The following EPHA3 variants were observed in gnomAD, a reference collection of about 807,000 sequenced individuals.
The protein encoded by EPHA3 is EPH receptor A3.
Under a neutral mutation model 107.1 loss-of-function variants are expected in EPHA3, and 42 were observed. The observed-to-expected ratio is 0.39, with a 90% CI of 0.31 to 0.51. EPHA3 has a LOEUF of 0.51. EPHA3 is among the 20% of genes least tolerant of loss of function. EPHA3 has a pLI of 0.78. For missense variants in EPHA3, 1,183 were observed against 1,211.2 expected (o/e 0.98, Z 0.35); for synonymous variants, 461 against 424.8 (o/e 1.09, Z -1.05).
At chr3:89,391,200 T>TGAAA (rs1708722715) in intron 5 of EPHA3, among the ~76,000 whole-genome samples, 1 of 152,112 alleles carries the variant, frequency 6.6e-6, no homozygotes, top group Non-Finnish European at 1.5e-5. Flanking sequence ...AAGAATAGAT[T>TGAAA]GAAAGCATCA....
chr3:89,219,688 G>GTGTTTTTTTTTTGTTTTTTTTTTT, intron 3 of EPHA3, among the ~76,000 whole-genome samples: 1 of 34,442 alleles, frequency 2.9e-5, no homozygotes, highest in Middle Eastern at 0.018. Context: ...ATTTGGCAAT[G>GTGTTTTTTTTTTGTTTTTTTTTTT]TTTTTTTTTT....
At chr3:89,169,947 A>G (rs552917515) in intron 2 of EPHA3, among the ~76,000 whole-genome samples, 1 of 152,230 alleles carries the variant, frequency 6.6e-6, no homozygotes, top group East Asian at 1.9e-4. Context: ...AACAAACTCT[A>G]ATATTGAGAT....
chr3:89,315,168 A>G (rs1460555663), intron 3 of EPHA3, among the ~76,000 whole-genome samples: 8 of 151,858 alleles, frequency 5.3e-5, no homozygotes, highest in Non-Finnish European at 1.2e-4. Context: ...GTGACTGTAT[A>G]TATTACATAT....
At chr3:89,340,401 A>G (rs1447967046) in intron 3 of EPHA3, among the ~76,000 whole-genome samples, 5 of 152,230 alleles carry the variant, frequency 3.3e-5, no homozygotes, top group African/African-American at 1.2e-4. Context: ...ATTGTAGCTC[A>G]TGAAAATTAT....
At chr3:89,430,940 C>G (rs2107536390) in intron 12 of EPHA3, among the ~76,000 whole-genome samples, 1 of 152,216 alleles carries the variant, frequency 6.6e-6, no homozygotes, top group Middle Eastern at 3.4e-3. Context: ...TAAGATACTT[C>G]CTGTTACAAA....
intron 5 of EPHA3, among the ~76,000 whole-genome samples, chr3:89,391,417 T>C (rs200418701): frequency 1.8e-5 from 2 of 108,438 alleles, no homozygotes; most frequent in East Asian, 2.5e-4. Flanking sequence ...CTTTTCTTTC[T>C]TTTCTTTTTT....
At chr3:89,109,260 A>T (rs1440964057) in intron 1 of EPHA3, among the ~76,000 whole-genome samples, 2 of 152,096 alleles carry the variant, frequency 1.3e-5, no homozygotes, top group Non-Finnish European at 2.9e-5. Flanking sequence ...TACAAACCAA[A>T]TTAAAATGTT....
intron 3 of EPHA3, among the ~76,000 whole-genome samples, chr3:89,279,653 T>C (rs1049530417): frequency 1.3e-5 from 2 of 152,164 alleles, no homozygotes; most frequent in African/African-American, 4.8e-5. Context: ...CATAAGGCCA[T>C]CTTTTTCTAG....
chr3:89,142,430 T>C (rs1374602992), intron 2 of EPHA3, among the ~76,000 whole-genome samples: 3 of 151,464 alleles, frequency 2.0e-5, no homozygotes, highest in Non-Finnish European at 4.4e-5. Flanking sequence ...AAGGCACTTA[T>C]AAGTAAATGA....
Position 89,424,898 on chromosome 3 carries a change from A to T in EPHA3, c.2075-4208A>T, listed in dbSNP as rs114313293. ...TATAAATATTTTTCAAGCAGCTGAA[A>T]GTAAAGCATTCTATGTGTTAGGATT... On this transcript the variant is annotated intron_variant, in intron 11 of 16. Coordinates refer to ENST00000336596, the MANE Select transcript of EPHA3 (RefSeq NM_005233.6). Among the ~76,000 whole-genome samples the T allele has an allele frequency of 9.7e-3, 1,472 of 151,578 alleles. 26 individuals carry two copies. The highest frequency in any genetic ancestry group is 0.034 in the African/African-American group (1,409 of 41,496).
At chr3:89,455,845 T>C (rs1215095609) in intron 15 of EPHA3, among the ~76,000 whole-genome samples, 1 of 152,224 alleles carries the variant, frequency 6.6e-6, no homozygotes, top group Non-Finnish European at 1.5e-5. Flanking sequence ...AACATCATTA[T>C]TCTTTTACAG....
At chr3:89,116,556 G>A (rs1707258242) in intron 1 of EPHA3, among the ~76,000 whole-genome samples, 1 of 151,824 alleles carries the variant, frequency 6.6e-6, no homozygotes, top group Non-Finnish European at 1.5e-5. Flanking sequence ...ATTAAGTTGG[G>A]GGCAATTATA....
chr3:89,380,474 C>A (rs957567236), intron 5 of EPHA3, among the ~76,000 whole-genome samples: 1 of 152,090 alleles, frequency 6.6e-6, no homozygotes, highest in Non-Finnish European at 1.5e-5. Context: ...TTGTGTATGA[C>A]GCCTTTGATA....
chr3:89,214,727 T>C (rs1704185729), intron 3 of EPHA3, among the ~76,000 whole-genome samples: 1 of 151,946 alleles, frequency 6.6e-6, no homozygotes, highest in African/African-American at 2.4e-5. Flanking sequence ...CCATCTGGTA[T>C]TGGACTCAGT....
At chr3:89,331,464 T>C (rs1707286748) in intron 3 of EPHA3, among the ~76,000 whole-genome samples, 1 of 152,174 alleles carries the variant, frequency 6.6e-6, no homozygotes, top group African/African-American at 2.4e-5. Context: ...GAACATAGCA[T>C]AATTTATTTA....
chr3:89,269,300 A>G (rs1188014395), intron 3 of EPHA3, among the ~76,000 whole-genome samples: 3 of 152,148 alleles, frequency 2.0e-5, no homozygotes, highest in African/African-American at 4.8e-5. Context: ...GTGACTTGGA[A>G]CATTAGTTTC....
chr3:89,277,633 A>G (rs2107308789), intron 3 of EPHA3, among the ~76,000 whole-genome samples: 1 of 152,256 alleles, frequency 6.6e-6, no homozygotes, highest in East Asian at 1.9e-4. Context: ...TAGGTTTATA[A>G]TTCAAACTCT....
intron 15 of EPHA3, among the ~76,000 whole-genome samples, chr3:89,461,275 C>T (rs1483238072): frequency 3.7e-5 from 4 of 108,464 alleles, no homozygotes; most frequent in African/African-American, 1.3e-4. Flanking sequence ...AGAATAGTGC[C>T]GCAATAAACA....
chr3:89,183,650 C>G (rs1270538279), intron 2 of EPHA3, among the ~76,000 whole-genome samples: 2 of 152,028 alleles, frequency 1.3e-5, no homozygotes, highest in African/African-American at 4.8e-5. Flanking sequence ...TTAATGAAAA[C>G]AGATGCATTC....
Sources: gnomAD v4.1 joint callset for allele counts (sites outside exome capture counted in the v4.1 genomes callset) on GRCh38, gnomAD v4.1.1 for gene constraint, MANE v1.5 for transcripts, NCBI Gene and HGNC (gene_info 2026-07-23, HGNC 2026-07-21) for gene names.